CELF4: variants seen among roughly 807,000 people sequenced by gnomAD.
CELF4 encodes CUGBP Elav-like family member 4, also known as CUG-BP- and ETR-3-like factor 4.
Under a neutral mutation model 59.9 loss-of-function variants are expected in CELF4, and 18 were observed. The observed-to-expected ratio is 0.30, with a 90% CI of 0.21 to 0.45. The LOEUF (loss-of-function observed/expected upper bound fraction) is 0.45, where lower values mean the gene tolerates loss of function less well. CELF4 is among the 20% of genes least tolerant of loss of function. The probability of loss-of-function intolerance (pLI) is 1.00; values close to 1 mark genes in which losing one functional copy is unlikely to be tolerated. For synonymous variants in CELF4, 261 were observed against 267.1 expected (o/e 0.98, Z 0.22); for missense variants, 456 against 689.0 (o/e 0.66, Z 3.79).
At chr18:37,247,340 A>T (rs1318153953) in intron 12 of CELF4, 1 of 69,000 alleles carries the variant, frequency 1.4e-5, no homozygotes, top group Non-Finnish European at 2.3e-5. Flanking sequence ...TTATATATGT[A>T]GAGAGAGAGA....
In CELF4 at chr18:37,270,872, A is replaced by C; in HGVS notation, c.995T>G (p.Ile332Ser). 6.2e-7 allele frequency: 1 copy of C among 1,613,498 alleles called. No individual in the cohort carries two copies. The highest frequency in any genetic ancestry group is 8.5e-7 in the Non-Finnish European group (1 of 1,179,876). ...GCCATTCACCCCAATGGGGGATGGG[A>C]TGCTAGGCACGGCTGGTGCAGTGAT... ...PGITAPAVPSIPSPIGVNGFT... is the reference protein window; with the variant it reads ...PGITAPAVPSSPSPIGVNGFT... Residue 332 changes from isoleucine (I) to serine (S), a missense_variant, in exon 8 of 13, where the codon ATC becomes AGC. Around this residue, in one of 7 missense-constraint regions of CELF4, gnomAD observed 256 missense variants for 340.8 expected, o/e 0.75. Coordinates refer to ENST00000420428, the MANE Select transcript of CELF4 (RefSeq NM_020180.4).
At chr18:37,367,990 A>G (rs953629076) in intron 2 of CELF4, among the ~76,000 whole-genome samples, 1 of 152,006 alleles carries the variant, frequency 6.6e-6, no homozygotes, top group Non-Finnish European at 1.5e-5. Flanking sequence ...AGGAGGCGGC[A>G]TGGTGCGGTG....
chr18:37,383,536 T>C (rs1035194612), intron 2 of CELF4, among the ~76,000 whole-genome samples: 4 of 152,244 alleles, frequency 2.6e-5, no homozygotes, highest in African/African-American at 9.6e-5. Context: ...CTGTTATACA[T>C]AATACTTAAT....
chr18:37,374,478 C>T (rs956390534), intron 2 of CELF4, among the ~76,000 whole-genome samples: 3 of 152,204 alleles, frequency 2.0e-5, no homozygotes, highest in African/African-American at 7.2e-5. Context: ...CGTAACTTCA[C>T]TGGCAACTGA....
At chr18:37,357,878 T>G (rs1242719895) in intron 2 of CELF4, among the ~76,000 whole-genome samples, 1 of 152,174 alleles carries the variant, frequency 6.6e-6, no homozygotes, top group Non-Finnish European at 1.5e-5. Flanking sequence ...CCTTTAGCAC[T>G]TTTGTTTTGG....
At chr18:37,393,723 C>A (rs2099197022) in intron 2 of CELF4, among the ~76,000 whole-genome samples, 2 of 151,708 alleles carry the variant, frequency 1.3e-5, no homozygotes. Context: ...TGACAGGTGC[C>A]CATCTAGGCA....
At position 37,328,802 on chromosome 18, in the gene CELF4, G is replaced by A. The variant is rs192014506; in HGVS notation, c.370-6921C>T. ...CACACACGATGGTCATGGAAACAGT[G>A]AATCAGCAGACCCGCACGCTAGAGC... On this transcript the variant is annotated intron_variant, in intron 2 of 12. Transcript: ENST00000420428. Among the ~76,000 whole-genome samples, 25 of 152,226 alleles carry A rather than the reference G, an allele frequency of 1.6e-4. No individual in the cohort carries two copies. In the East Asian group the frequency reaches 4.6e-3, roughly 28 times the overall value.
intron 12 of CELF4, among the ~76,000 whole-genome samples, chr18:37,247,905 C>T (rs1233922649): frequency 6.6e-6 from 1 of 152,170 alleles, no homozygotes; most frequent in Non-Finnish European, 1.5e-5. Context: ...GGGTGGCGCT[C>T]CCTCCCTCCT....
At chr18:37,265,501 C>T (rs948732587) in intron 9 of CELF4, among the ~76,000 whole-genome samples, 1 of 152,216 alleles carries the variant, frequency 6.6e-6, no homozygotes, top group Non-Finnish European at 1.5e-5. Flanking sequence ...CCCACTCAAA[C>T]GGCACCTGTG....
intron 2 of CELF4, among the ~76,000 whole-genome samples, chr18:37,355,015 C>T (rs754691830): frequency 1.3e-5 from 2 of 152,220 alleles, no homozygotes; most frequent in South Asian, 2.1e-4. Flanking sequence ...AAGTTGATCA[C>T]GTGTGTGCCT....
At chr18:37,532,708 T>C (rs2099970518) in intron 1 of CELF4, among the ~76,000 whole-genome samples, 1 of 152,160 alleles carries the variant, frequency 6.6e-6, no homozygotes. Context: ...TCTATAGAAG[T>C]AACAGCCCCG....
At position 37,254,796 on chromosome 18, in the gene CELF4, T is replaced by TG. The variant is rs1322471995; in HGVS notation, c.1334-859dup. Among the ~76,000 whole-genome samples the TG allele has an allele frequency of 1.3e-5, 2 of 152,388 alleles. No homozygotes were observed. The highest frequency in any genetic ancestry group is 3.9e-4 in the East Asian group (2 of 5,186). ...CAGGCCCAACCGCGCAGGTCCCAGATGGGCACAGGTCATGTTCCCAAAATG... is the reference window on the plus strand; with the variant it reads ...CAGGCCCAACCGCGCAGGTCCCAGATGGGGCACAGGTCATGTTCCCAAAATG... On this transcript the variant is annotated intron_variant, in intron 11 of 12. Coordinates refer to ENST00000420428, the MANE Select transcript of CELF4 (RefSeq NM_020180.4). The surrounding 1 kb of genome is among the most constrained non-coding windows in gnomAD (Gnocchi z 5.1).
intron 2 of CELF4, among the ~76,000 whole-genome samples, chr18:37,480,867 G>C (rs2099864917): frequency 6.6e-6 from 1 of 152,008 alleles, no homozygotes; most frequent in Non-Finnish European, 1.5e-5. Flanking sequence ...AAAAGAAAAA[G>C]AAAGAAAGGA....
At chr18:37,372,473 G>C (rs1224725652) in intron 2 of CELF4, among the ~76,000 whole-genome samples, 1 of 152,174 alleles carries the variant, frequency 6.6e-6, no homozygotes, top group Non-Finnish European at 1.5e-5. Flanking sequence ...ACACACCGGG[G>C]CCTGTCGTGG....
chr18:37,467,329 G>C (rs1390599260), intron 2 of CELF4, among the ~76,000 whole-genome samples: 1 of 152,164 alleles, frequency 6.6e-6, no homozygotes, highest in Non-Finnish European at 1.5e-5. Flanking sequence ...GATCCCAGAG[G>C]GCAAGAGGCC....
Position 37,285,104 on chromosome 18 carries a change from T to C in CELF4, c.449-9861A>G, listed in dbSNP as rs550133792. On this transcript the variant is annotated intron_variant, in intron 3 of 12. Transcript: ENST00000420428. ...TTGAGAGCCCCAAGGGGTGAGTGGG[T>C]GGGGCACCCATAGCCTGCTGCTAGC... 2.0e-5 allele frequency among the ~76,000 whole-genome samples: 3 copies of C among 152,250 alleles called. No individual in the cohort carries two copies. In the East Asian group the frequency reaches 5.8e-4, roughly 29 times the overall value.
chr18:37,530,622 C>T (rs1002326937), intron 1 of CELF4, among the ~76,000 whole-genome samples: 1 of 152,080 alleles, frequency 6.6e-6, no homozygotes, highest in Admixed American at 6.5e-5. Context: ...CCCCTCAGTC[C>T]GATGGGGTAG....
At chr18:37,259,069 C>G (rs757929431) in intron 11 of CELF4, 112 bp downstream of exon 11, 2 of 1,546,422 alleles carry the variant, frequency 1.3e-6, no homozygotes, top group Non-Finnish European at 1.8e-6. Context: ...TAGGTTGGTG[C>G]GAGCACCGCC....
chr18:37,411,448 T>C (rs942852849), intron 2 of CELF4, among the ~76,000 whole-genome samples: 35 of 151,978 alleles, frequency 2.3e-4, no homozygotes, highest in Admixed American at 1.9e-3. Context: ...CCCATGGGTA[T>C]CTGTGTATGT....
Sources: gnomAD v4.1 joint callset for allele counts (sites outside exome capture counted in the v4.1 genomes callset) on GRCh38, gnomAD v4.1.1 for gene constraint, gnomAD v4.1.1 regional missense constraint, Gnocchi (gnomAD v3.1) non-coding constraint, MANE v1.5 for transcripts, NCBI Gene and HGNC (gene_info 2026-07-23, HGNC 2026-07-21) for gene names.